The following COL11A2 variants were observed in gnomAD, a reference collection of about 807,000 sequenced individuals.
COL11A2 encodes collagen type XI alpha 2 chain, also known as collagen alpha-2(XI) chain.
Under a neutral mutation model 273.4 loss-of-function variants are expected in COL11A2, and 116 were observed. That is an observed-to-expected ratio of 0.42 (90% CI 0.36 to 0.49). The LOEUF (loss-of-function observed/expected upper bound fraction) is 0.49. Ranked by LOEUF, COL11A2 falls within the 20% of genes least tolerant of loss-of-function variation. COL11A2 has a pLI of 0.00. For missense variants in COL11A2, 1,866 were observed against 2,309.0 expected, an observed-to-expected ratio of 0.81 and a Z score of 3.93; for synonymous variants, 782 against 864.2, an observed-to-expected ratio of 0.90 and a Z score of 1.67.
At position 33,176,421 on chromosome 6, in the gene COL11A2, G is replaced by A; in HGVS notation, c.2169+12C>T. ...CCACAGCCCTTTGTCTCCCAGCCTG[G>A]TGGTCAGTTACCTTGACCCCTCGAG... is the stretch of plus-strand genomic sequence containing the variant. On this transcript the variant is annotated intron_variant, in intron 27 of 65. Coordinates refer to ENST00000341947, the MANE Select transcript of COL11A2 (RefSeq NM_080680.3). This position sits in a 1 kb window ranked among gnomAD's most constrained non-coding sequence, Gnocchi z 4.9. 7 of 1,612,270 alleles carry A rather than the reference G, an allele frequency of 4.3e-6. No individual in the cohort carries two copies. Among genetic ancestry groups the A allele is most frequent in the East Asian group, 2.2e-5 (1 of 44,874 alleles).
Position 33,164,217 on chromosome 6 carries a change from T to C in COL11A2, c.5070+50A>G. On this transcript the variant is annotated intron_variant, in intron 65 of 65. Transcript: ENST00000341947. This position sits in a 1 kb window ranked among gnomAD's most constrained non-coding sequence, Gnocchi z 4.7. ...CCAAGGGGTCTTCCCACCTCCTTCC[T>C]CCAGCCTGAGTCTGAGATCAGCCCC... 1.2e-6 allele frequency: 2 copies of C among 1,603,906 alleles called. No individual in the cohort carries two copies. The highest frequency in any genetic ancestry group is 1.3e-5 in the African/African-American group (1 of 74,902).
Position 33,178,193 on chromosome 6 carries a change from CACGGTGAGGG to C in COL11A2, c.1819-18_1819-9del, listed in dbSNP as rs767645840. On this transcript the variant is annotated splice_polypyrimidine_tract_variant and intron_variant, in intron 20 of 65. Transcript: ENST00000341947. The surrounding 1 kb of genome is among the most constrained non-coding windows in gnomAD (Gnocchi z 4.6). ...AAGGAGACCTCGAGGTCCCTGCATT[CACGGTGAGGG>C]GAGGAGACGGCATGAATGGATAAAA... 2.3e-4 allele frequency: 368 copies of C among 1,612,116 alleles called. 1 individual carries two copies. In the Middle Eastern group the frequency reaches 2.8e-3, roughly 12 times the overall value.
At position 33,164,929 on chromosome 6, in the gene COL11A2, G is replaced by A. The variant is rs778962979; in HGVS notation, c.4786C>T (p.Arg1596Trp). 4 of 1,580,628 alleles carry A rather than the reference G, an allele frequency of 2.5e-6. No individual in the cohort carries two copies. The highest frequency in any genetic ancestry group is 2.3e-5 in the East Asian group (1 of 43,616). The change falls in exon 64 of 66, where the codon CGG becomes TGG. Residue 1596 changes from arginine to tryptophan, a missense_variant. By Grantham distance (101) the Arg-to-Trp change is moderately radical. Transcript: ENST00000341947. The surrounding 1 kb of genome is among the most constrained non-coding windows in gnomAD (Gnocchi z 4.7). ...TTGCAGAAAACTCGGAAGGCATCCCGAGCACAGCCCTGGTTGGGGTCGACC... is the reference window on the plus strand; with the variant it reads ...TTGCAGAAAACTCGGAAGGCATCCCAAGCACAGCCCTGGTTGGGGTCGACC... ...YWVDPNQGCARDAFRVFCNFT... is the reference protein window; with the variant it reads ...YWVDPNQGCAWDAFRVFCNFT...
intron 8 of COL11A2, among the ~76,000 whole-genome samples, chr6:33,183,864 G>A (rs1391902624): frequency 6.6e-6 from 1 of 150,740 alleles, no homozygotes; most frequent in Non-Finnish European, 1.5e-5. Context: ...TAGACAGGAA[G>A]TGATCAAGAA....
At position 33,171,327 on chromosome 6, in the gene COL11A2, GGGA is replaced by G. The variant is rs2150545857; in HGVS notation, c.3259-6_3259-4del. 1.9e-6 allele frequency: 3 copies of G among 1,614,198 alleles called. No homozygotes were observed. Among genetic ancestry groups the G allele is most frequent in the Non-Finnish European group, 2.5e-6 (3 of 1,180,012 alleles). ...TGTCCGGGGTCCCCCACCTCACCCT[GGGA>G]GGAGAAGGCAGACAAGATATTAGAG... On this transcript the variant is annotated splice_region_variant and splice_polypyrimidine_tract_variant and intron_variant, in intron 43 of 65. Coordinates refer to ENST00000341947, the MANE Select transcript of COL11A2 (RefSeq NM_080680.3).
Position 33,165,700 on chromosome 6 carries a change from G to C in COL11A2, c.4599C>G (p.Ala1533=), listed in dbSNP as rs759814552. Residue 1533 remains alanine (A), a synonymous_variant, in exon 63 of 66, where the codon GCC becomes GCG. Transcript: ENST00000341947. The surrounding 1 kb of genome is among the most constrained non-coding windows in gnomAD (Gnocchi z 7.7). The part of the protein sequence containing the change: ...QEDEAIPTGG[A]PGSPGGLEEI... ...CCTCCAGCCCCCCAGGACTGCCGGG[G>C]GCTCCCCCGGTCGGTATGGCCTCAT... 6.5e-5 allele frequency: 105 copies of C among 1,611,060 alleles called. No homozygotes were observed. Among genetic ancestry groups the C allele is most frequent in the Non-Finnish European group, 8.2e-5 (97 of 1,179,988 alleles).
chr6:33,175,920 G>A, intron 29 of COL11A2, 96 bp downstream of exon 29: 2 of 1,448,084 alleles, frequency 1.4e-6, no homozygotes, highest in Non-Finnish European at 1.9e-6. Context: ...GAACTGTGGA[G>A]TCTGGAGACT....
Position 33,163,868 on chromosome 6 carries a change from C to G in COL11A2, c.5071-50G>C. The G allele has an allele frequency of 5.0e-6, 8 of 1,612,678 alleles. No homozygotes were observed. The highest frequency in any genetic ancestry group is 5.1e-6 in the Non-Finnish European group (6 of 1,179,784). ...GTGTGAGCAGGATGGAGGCACCCCC[C>G]ACCCTCTAACCTCAGGCCCAGGCTC... On this transcript the variant is annotated intron_variant, in intron 65 of 65. Transcript: ENST00000341947. This position sits in a 1 kb window ranked among gnomAD's most constrained non-coding sequence, Gnocchi z 4.1.
chr6:33,172,737 C>T (rs1405788953), intron 38 of COL11A2, 100 bp from the exon 39 acceptor site: 6 of 1,031,336 alleles, frequency 5.8e-6, no homozygotes, highest in Non-Finnish European at 7.4e-6. Flanking sequence ...TTCAGAACCC[C>T]TTTATCCCTG....
Position 33,166,161 on chromosome 6 carries a change from G to T in COL11A2, c.4428+10C>A. Reference sequence around the variant, plus strand: ...TGGAGCAAAGGTCAGAGCTGAAGGGGGTCACTCACTGTGGCTCCTTTGGCT... The same window carrying T: ...TGGAGCAAAGGTCAGAGCTGAAGGGTGTCACTCACTGTGGCTCCTTTGGCT... On this transcript the variant is annotated intron_variant, in intron 61 of 65. Coordinates refer to ENST00000341947, the MANE Select transcript of COL11A2 (RefSeq NM_080680.3). The surrounding 1 kb of genome is among the most constrained non-coding windows in gnomAD (Gnocchi z 4.8). 6.2e-7 allele frequency: 1 copy of T among 1,608,548 alleles called. No homozygotes were observed. Among genetic ancestry groups the T allele is most frequent in the Non-Finnish European group, 8.5e-7 (1 of 1,178,002 alleles).
chr6:33,178,953 T>C lies in COL11A2; in HGVS notation c.1632A>G (p.Gly544=). Residue 544 remains glycine, a synonymous_variant, in exon 17 of 66, where the codon GGA becomes GGG. Coordinates refer to ENST00000341947, the MANE Select transcript of COL11A2 (RefSeq NM_080680.3). This position sits in a 1 kb window ranked among gnomAD's most constrained non-coding sequence, Gnocchi z 4.6. ...CAGGATCTCCAGGCATCCCTCGGGC[T>C]CCATCAGCACCTGCCCGGCCCTGGG... ...AGRRGRAGAD[G]ARGMPGDPGV... The C allele has an allele frequency of 6.2e-7, 1 of 1,613,916 alleles. No homozygotes were observed.
In COL11A2 at chr6:33,166,730, T is replaced by G; in HGVS notation, c.4328A>C (p.Lys1443Thr). Residue 1443 changes from lysine to threonine, a missense_variant, in exon 59 of 66, where the codon AAG becomes ACG. Lys to Thr is a moderately conservative substitution (Grantham distance 78). Transcript: ENST00000341947. The surrounding 1 kb of genome is among the most constrained non-coding windows in gnomAD (Gnocchi z 4.8). The part of the protein sequence containing the change: ...LPGPQGSPGQ[K>T]GEMGIPGASG... The stretch of plus-strand genomic sequence containing the variant: ...ATGCCCTCTACTCACCATCTCACCC[T>G]TCTGCCCAGGGGAGCCCTGAGGCCC... 6.2e-7 allele frequency: 1 copy of G among 1,613,756 alleles called. No homozygotes were observed.
rs757758918 is a variant in COL11A2, at chr6:33,173,324, T to C, written c.2736+24A>G. On this transcript the variant is annotated intron_variant, in intron 37 of 65. Transcript: ENST00000341947. This position sits in a 1 kb window ranked among gnomAD's most constrained non-coding sequence, Gnocchi z 6.3. Reference sequence around the variant, plus strand: ...AGGGTCTGATGGAGCCCCCTGAGAATGGGTAGCCAGGAGCATCACTCACCA... The same window carrying C: ...AGGGTCTGATGGAGCCCCCTGAGAACGGGTAGCCAGGAGCATCACTCACCA... 30 of 1,610,740 alleles carry C rather than the reference T, an allele frequency of 1.9e-5. No individual in the cohort carries two copies. The highest frequency in any genetic ancestry group is 2.4e-5 in the Non-Finnish European group (28 of 1,179,744).
chr6:33,188,301 A>C, intron 4 of COL11A2, 61 bp downstream of exon 4: 1 of 1,594,220 alleles, frequency 6.3e-7, no homozygotes, highest in East Asian at 2.2e-5. Flanking sequence ...TGGGGCCAGA[A>C]GGGTAGTGGG....
chr6:33,183,118 A>G (rs1771936186), intron 8 of COL11A2, among the ~76,000 whole-genome samples: 1 of 152,184 alleles, frequency 6.6e-6, no homozygotes, highest in South Asian at 2.1e-4. Flanking sequence ...CAGAAGACGG[A>G]GCGGAGTAGA....
Position 33,175,682 on chromosome 6 carries a change from C to T in COL11A2, c.2269-1G>A. The T allele has an allele frequency of 6.2e-7, 1 of 1,612,860 alleles. No homozygotes were observed. The highest frequency in any genetic ancestry group is 8.5e-7 in the Non-Finnish European group (1 of 1,179,860). Reference sequence around the variant, plus strand: ...TGGAACCAGGGACTCCAACTTCGCCCTGTGTGAGAGGGAAGGACAGGTGAG... The same window carrying T: ...TGGAACCAGGGACTCCAACTTCGCCTTGTGTGAGAGGGAAGGACAGGTGAG... On this transcript the variant is annotated splice_acceptor_variant, in intron 29 of 65. Transcript: ENST00000341947. LOFTEE classifies it high-confidence loss of function.
At position 33,171,563 on chromosome 6, in the gene COL11A2, G is replaced by T; in HGVS notation, c.3162C>A (p.Gly1054=). ...AGEKGVPGEK[G]PIGPTGRDGV... ...CATCTCGGCCAGTCGGGCCAATGGG[G>T]CCCTTCTCACCCTGTGGGACAGGAG... The change falls in exon 43 of 66, where the codon GGC becomes GGA. Residue 1054 remains glycine, a synonymous_variant. Transcript: ENST00000341947. The T allele has an allele frequency of 6.2e-7, 1 of 1,613,850 alleles. No homozygotes were observed. The highest frequency in any genetic ancestry group is 8.5e-7 in the Non-Finnish European group (1 of 1,179,910).
In COL11A2 at chr6:33,190,809, C is replaced by T. The variant is rs575347148; in HGVS notation, c.83-1340G>A. 3.3e-5 allele frequency among the ~76,000 whole-genome samples: 5 copies of T among 152,226 alleles called. No individual in the cohort carries two copies. In the South Asian group the frequency reaches 8.3e-4, roughly 25 times the overall value. On this transcript the variant is annotated intron_variant, in intron 1 of 65. Coordinates refer to ENST00000341947, the MANE Select transcript of COL11A2 (RefSeq NM_080680.3). The surrounding 1 kb of genome is among the most constrained non-coding windows in gnomAD (Gnocchi z 4.5). The stretch of plus-strand genomic sequence containing the variant: ...ACAGAGACTCACAGAGACCCCAGGC[C>T]AAGGAGACCTCGGAGGTCCCCACCC...
chr6:33,171,499 G>A lies in COL11A2; in HGVS notation c.3226C>T (p.Pro1076Ser). The A allele has an allele frequency of 6.2e-7, 1 of 1,613,886 alleles. No homozygotes were observed. The highest frequency in any genetic ancestry group is 1.1e-5 in the South Asian group (1 of 91,066). The change falls in exon 43 of 66, where the codon CCT (proline) becomes TCT (serine). Residue 1076 changes from proline (P) to serine (S), a missense_variant. Coordinates refer to ENST00000341947, the MANE Select transcript of COL11A2 (RefSeq NM_080680.3). ...GPVGLPGPAG[P>S]PGVAGEDGDK... ...CCATCCTCTCCAGCCACACCTGGAGGCCCAGCAGGACCAGGAAGCCCCACA... is the reference window on the plus strand; with the variant it reads ...CCATCCTCTCCAGCCACACCTGGAGACCCAGCAGGACCAGGAAGCCCCACA...
Sources: gnomAD v4.1 joint callset for allele counts (sites outside exome capture counted in the v4.1 genomes callset) on GRCh38, gnomAD v4.1.1 for gene constraint, Gnocchi (gnomAD v3.1) non-coding constraint, MANE v1.5 for transcripts, NCBI Gene and HGNC (gene_info 2026-07-23, HGNC 2026-07-21) for gene names.